ROBO2: variants seen among roughly 807,000 people sequenced by gnomAD.
ROBO2 encodes roundabout homolog 2.
In ROBO2, 53 loss-of-function variants were observed where a neutral mutation model predicts 160.8. The ratio of observed to expected loss-of-function variants is 0.33; its 90% CI spans 0.26 to 0.41. The LOEUF (loss-of-function observed/expected upper bound fraction) is 0.41. Among genes scored for constraint, ROBO2 ranks in the 10% least tolerant of loss-of-function variants. The pLI is 1.00. For synonymous variants in ROBO2, 664 were observed against 611.7 expected (o/e 1.09, Z -1.26); for missense variants, 1,577 against 1,722.4 (o/e 0.92, Z 1.49).
intron 2 of ROBO2, chr3:77,317,049 A>G: frequency 6.7e-7 from 1 of 1,503,334 alleles, no homozygotes; most frequent in East Asian, 2.3e-5. Context: ...CTGTCCCGTC[A>G]TTCACAGTAG....
intron 1 of ROBO2, among the ~76,000 whole-genome samples, chr3:77,094,668 A>G (rs183221128): frequency 6.6e-6 from 1 of 152,274 alleles, no homozygotes; most frequent in African/African-American, 2.4e-5. Context: ...TGAGGCTTTC[A>G]GTTTTTCCAA....
chr3:76,237,979 T>TG (rs1197877483), intron 2 of ROBO2, among the ~76,000 whole-genome samples: 1 of 152,146 alleles, frequency 6.6e-6, no homozygotes, highest in African/African-American at 2.4e-5. Flanking sequence ...TGTGGAGACT[T>TG]GGGGTCTGAT....
intron 1 of ROBO2, among the ~76,000 whole-genome samples, chr3:77,052,359 T>C (rs1255704782): frequency 6.6e-6 from 1 of 152,026 alleles, no homozygotes; most frequent in Non-Finnish European, 1.5e-5. Context: ...CTGCTGAGAG[T>C]CCACTCAGAG....
intron 2 of ROBO2, among the ~76,000 whole-genome samples, chr3:76,268,031 T>G (rs1707202111): frequency 1.3e-5 from 2 of 152,290 alleles, no homozygotes; most frequent in Admixed American, 1.3e-4. Context: ...CTAATACATG[T>G]TACCAGTTAC....
At chr3:76,665,953 AAT>A (rs1351665944) in intron 2 of ROBO2, among the ~76,000 whole-genome samples, 8 of 121,958 alleles carry the variant, frequency 6.6e-5, no homozygotes, top group Non-Finnish European at 3.7e-5. Flanking sequence ...TATTATATAT[AAT>A]ATATACATAT....
At chr3:76,567,411 A>G (rs929383003) in intron 2 of ROBO2, among the ~76,000 whole-genome samples, 1 of 151,720 alleles carries the variant, frequency 6.6e-6, no homozygotes, top group Non-Finnish European at 1.5e-5. Flanking sequence ...TGGAAATGTA[A>G]ATATCTTGGT....
exon 26 of ROBO2, chr3:77,647,191 G>T (rs1359084697): frequency 2.6e-5 from 4 of 152,350 alleles, no homozygotes; most frequent in African/African-American, 9.7e-5. Flanking sequence ...GGATAGAGCT[G>T]CATCACTTAA....
At chr3:76,965,189 A>C (rs1194786160) in intron 2 of ROBO2, among the ~76,000 whole-genome samples, 2 of 152,198 alleles carry the variant, frequency 1.3e-5, no homozygotes, top group Non-Finnish European at 2.9e-5. Flanking sequence ...AATTAGGCTA[A>C]AGCCGCTCAT....
intron 2 of ROBO2, among the ~76,000 whole-genome samples, chr3:77,405,733 G>A (rs1364009723): frequency 2.0e-5 from 3 of 152,068 alleles, no homozygotes; most frequent in African/African-American, 4.8e-5. Context: ...TAGGAGTTGG[G>A]AGGGAAAAAG....
rs990401102 is a variant in ROBO2, at chr3:76,050,809, A to T, written c.109+113207A>T. ...CAACAGGGCTCAGCAGGTGAAAGGG[A>T]ATTCACAGAAGTCTTCTCTAATGAA... On this transcript the variant is annotated intron_variant, in intron 2 of 26. Transcript: ENST00000487694. Among the ~76,000 whole-genome samples, 6 of 152,202 alleles carry T rather than the reference A, an allele frequency of 3.9e-5. No homozygotes were observed. The East Asian group carries it at 1.2e-3, about 29-fold the overall frequency.
At chr3:76,322,072 CTT>C (rs1419782077) in intron 2 of ROBO2, among the ~76,000 whole-genome samples, 2 of 150,648 alleles carry the variant, frequency 1.3e-5, no homozygotes, top group South Asian at 2.1e-4. Context: ...TTACTGAAAA[CTT>C]TTCCTGAAAC....
intron 2 of ROBO2, among the ~76,000 whole-genome samples, chr3:76,185,626 A>T (rs1343746187): frequency 6.6e-6 from 1 of 152,070 alleles, no homozygotes; most frequent in Non-Finnish European, 1.5e-5. Context: ...AAACTGGAAG[A>T]ATGAGGATGC....
chr3:76,970,192 A>G (rs1399649481), intron 2 of ROBO2, among the ~76,000 whole-genome samples: 1 of 152,112 alleles, frequency 6.6e-6, no homozygotes, highest in Non-Finnish European at 1.5e-5. Flanking sequence ...AAGACAAGCT[A>G]TTTATCCACG....
At chr3:77,510,303 AC>A (rs2089221491) in intron 5 of ROBO2, among the ~76,000 whole-genome samples, 1 of 152,112 alleles carries the variant, frequency 6.6e-6, no homozygotes, top group African/African-American at 2.4e-5. Flanking sequence ...TAGACAAGCA[AC>A]TTATGGACCA....
chr3:77,546,200 G>T lies in ROBO2; in HGVS notation c.935-138G>T, dbSNP rs1049789211. On this transcript the variant is annotated intron_variant, in intron 6 of 25. Transcript: ENST00000461745. The stretch of plus-strand genomic sequence containing the variant: ...TAATGTCTTTCTTTTTGTGTTTTGA[G>T]AAATGTGTAAAAGTAAATAAAAAAC... 7.1e-6 allele frequency: 7 copies of T among 980,680 alleles called. No individual in the cohort carries two copies. In the African/African-American group the frequency reaches 1.2e-4, roughly 16 times the overall value. 60.7% of individuals were successfully genotyped at this position (980,680 alleles called of 1,614,324 possible).
intron 2 of ROBO2, among the ~76,000 whole-genome samples, chr3:76,586,585 C>G (rs527507344): frequency 1.3e-5 from 2 of 152,160 alleles, no homozygotes; most frequent in Non-Finnish European, 2.9e-5. Context: ...TAAAAGTTTT[C>G]AAATTATGAT....
chr3:76,673,578 G>A (rs112970376), intron 2 of ROBO2, among the ~76,000 whole-genome samples: 140 of 152,190 alleles, frequency 9.2e-4, no homozygotes, highest in African/African-American at 3.3e-3. Context: ...TAGAAATCAA[G>A]AAATGTTAAC....
At chr3:76,167,933 G>A (rs903168443) in intron 2 of ROBO2, among the ~76,000 whole-genome samples, 10 of 152,252 alleles carry the variant, frequency 6.6e-5, no homozygotes, top group African/African-American at 1.2e-4. Context: ...CTGGGAGTCC[G>A]TTAACAGAGG....
chr3:76,810,737 G>A (rs1271169744), intron 2 of ROBO2, among the ~76,000 whole-genome samples: 1 of 152,016 alleles, frequency 6.6e-6, no homozygotes. Context: ...CCCAAGAAAT[G>A]GTGAAAAGCT....
Sources: allele counts gnomAD v4.1 joint callset (sites outside exome capture counted in the v4.1 genomes callset), GRCh38; gene constraint gnomAD v4.1.1; transcripts MANE v1.5; gene names NCBI Gene and HGNC (gene_info 2026-07-23, HGNC 2026-07-21).